ATRN: variants seen among roughly 807,000 people sequenced by gnomAD.
The protein encoded by ATRN is attractin.
A neutral mutation model predicts 178.7 loss-of-function variants in ATRN; 54 were observed. That is an observed-to-expected ratio of 0.30 (90% CI 0.24 to 0.38). The LOEUF is 0.38. Ranked by LOEUF, ATRN falls within the 10% of genes least tolerant of loss-of-function variation. The probability of loss-of-function intolerance (pLI) is 1.00; values close to 1 mark genes in which losing one functional copy is unlikely to be tolerated. For synonymous variants in ATRN, 636 were observed against 663.0 expected, an observed-to-expected ratio of 0.96 and a Z score of 0.63; for missense variants, 1,443 against 1,815.1, an observed-to-expected ratio of 0.79 and a Z score of 3.73.
At chr20:3,641,653 G>A (rs1439164264) in intron 27 of ATRN, among the ~76,000 whole-genome samples, 3 of 138,802 alleles carry the variant, frequency 2.2e-5, no homozygotes, top group African/African-American at 5.3e-5. Flanking sequence ...CAAGCTGACC[G>A]CTAACTTCTC....
chr20:3,557,174 A>G (rs918306446), intron 6 of ATRN, among the ~76,000 whole-genome samples: 25 of 152,250 alleles, frequency 1.6e-4, no homozygotes, highest in African/African-American at 6.0e-4. Flanking sequence ...TTATAAAAAC[A>G]TATTCCTGGA....
intron 21 of ATRN, 113 bp from the exon 22 acceptor site, chr20:3,597,793 T>G (rs1478524706): frequency 4.7e-6 from 3 of 636,234 alleles, no homozygotes; most frequent in Non-Finnish European, 5.5e-6. Flanking sequence ...TACAGCTGAG[T>G]TAAAGTGCTT....
At chr20:3,535,822 G>T (rs999095151) in intron 2 of ATRN, among the ~76,000 whole-genome samples, 1 of 152,016 alleles carries the variant, frequency 6.6e-6, no homozygotes, top group East Asian at 1.9e-4. Context: ...TAGAGAAGGG[G>T]TTTCACCATG....
At chr20:3,565,796 C>CAAAAAAAAAAAAAAAAAAAA (rs10582104) in intron 11 of ATRN, among the ~76,000 whole-genome samples, 1 of 100,244 alleles carries the variant, frequency 1.0e-5, no homozygotes, top group South Asian at 3.5e-4. Flanking sequence ...GACTCTGTCT[C>CAAAAAAAAAAAAAAAAAAAA]AAAAAAAAAA....
At chr20:3,532,880 A>C (rs1054274546) in intron 1 of ATRN, among the ~76,000 whole-genome samples, 2 of 151,940 alleles carry the variant, frequency 1.3e-5, no homozygotes, top group African/African-American at 4.8e-5. Context: ...CTCCTGCCTC[A>C]ACCTCCCGAG....
At chr20:3,524,219 C>A in intron 1 of ATRN, among the ~76,000 whole-genome samples, 2 of 140,622 alleles carry the variant, frequency 1.4e-5, no homozygotes. Context: ...GAGTATTTAC[C>A]AAGCAAATGG....
At chr20:3,644,101 G>C (rs898663402) in intron 27 of ATRN, 53 bp from the exon 28 acceptor site, 19 of 1,326,118 alleles carry the variant, frequency 1.4e-5, no homozygotes, top group Non-Finnish European at 2.1e-5. Flanking sequence ...TAAGTTGTCC[G>C]TATACATTAA....
chr20:3,615,264 A>G (rs964225882), intron 24 of ATRN, among the ~76,000 whole-genome samples: 5 of 151,824 alleles, frequency 3.3e-5, no homozygotes, highest in Admixed American at 2.0e-4. Flanking sequence ...CCCTGTCTCT[A>G]CTAAAGTACA....
chr20:3,504,697 A>G (rs949236477), intron 1 of ATRN, among the ~76,000 whole-genome samples: 2 of 71,050 alleles, frequency 2.8e-5, no homozygotes, highest in Admixed American at 2.5e-4. Context: ...AGATAATAAT[A>G]ATAATAATAA....
chr20:3,640,188 C>T (rs996395616), intron 27 of ATRN, among the ~76,000 whole-genome samples: 12 of 152,218 alleles, frequency 7.9e-5, no homozygotes, highest in African/African-American at 2.6e-4. Context: ...AATGGAACTT[C>T]TAGAAATGAA....
intron 1 of ATRN, among the ~76,000 whole-genome samples, chr20:3,523,714 ATC>A (rs1330340641): frequency 1.3e-5 from 2 of 152,198 alleles, no homozygotes; most frequent in Non-Finnish European, 2.9e-5. Context: ...CTAACAGCAG[ATC>A]TCTCAGCAGA....
chr20:3,508,136 C>T (rs2085073412), intron 1 of ATRN, among the ~76,000 whole-genome samples: 2 of 151,760 alleles, frequency 1.3e-5, no homozygotes, highest in African/African-American at 2.4e-5. Flanking sequence ...ATTCCTTGAG[C>T]CCAGGAGTTT....
At chr20:3,561,799 C>G (rs1453100790) in intron 8 of ATRN, among the ~76,000 whole-genome samples, 1 of 152,190 alleles carries the variant, frequency 6.6e-6, no homozygotes, top group Admixed American at 6.5e-5. Flanking sequence ...ACAATCATAG[C>G]TCACTGCAGC....
intron 1 of ATRN, among the ~76,000 whole-genome samples, chr20:3,521,082 CAG>C (rs760922853): frequency 1.7e-4 from 26 of 152,178 alleles, no homozygotes; most frequent in African/African-American, 2.4e-4. Context: ...GAACAATAGA[CAG>C]GGGGTACTAC....
At chr20:3,478,951 G>C (rs2084576476) in intron 1 of ATRN, among the ~76,000 whole-genome samples, 1 of 132,252 alleles carries the variant, frequency 7.6e-6, no homozygotes, top group South Asian at 2.3e-4. Flanking sequence ...TGAGAGACAA[G>C]GTCTTATTCT....
At chr20:3,529,605 A>G (rs1266856559) in intron 1 of ATRN, among the ~76,000 whole-genome samples, 1 of 152,218 alleles carries the variant, frequency 6.6e-6, no homozygotes, top group Non-Finnish European at 1.5e-5. Context: ...AAACTGATCT[A>G]TAGTGGGAAA....
In ATRN at chr20:3,547,418, G is replaced by T. The variant is rs536310570; in HGVS notation, c.872G>T (p.Cys291Phe). The T allele has an allele frequency of 2.5e-5, 41 of 1,614,170 alleles. No individual in the cohort carries two copies. In the South Asian group the frequency reaches 4.3e-4, roughly 17 times the overall value. Residue 291 changes from cysteine (C) to phenylalanine (F), a missense_variant, in exon 5 of 29, where the codon TGT (cysteine) becomes TTT (phenylalanine). Physicochemically the swap from Cys to Phe is radical, Grantham distance 205 (BLOSUM62 -2). Transcript: ENST00000262919. ...ACDIPHCTDN[C>F]GFPHRGICNS... Reference sequence around the variant, plus strand: ...GACATTCCTCACTGTACAGACAACTGTGGTTTTCCTCATCGAGGCATCTGC... The same window carrying T: ...GACATTCCTCACTGTACAGACAACTTTGGTTTTCCTCATCGAGGCATCTGC...
intron 1 of ATRN, among the ~76,000 whole-genome samples, chr20:3,528,943 G>T (rs1418974052): frequency 2.0e-5 from 3 of 151,960 alleles, no homozygotes; most frequent in Non-Finnish European, 4.4e-5. Context: ...CTCCCAAGTA[G>T]CTGGGACTAC....
At chr20:3,611,796 A>G (rs2146301486) in intron 24 of ATRN, among the ~76,000 whole-genome samples, 1 of 152,320 alleles carries the variant, frequency 6.6e-6, no homozygotes, top group East Asian at 1.9e-4. Flanking sequence ...ACAATGAGAT[A>G]ACACTACACA....
Sources: allele counts gnomAD v4.1 joint callset (sites outside exome capture counted in the v4.1 genomes callset), GRCh38; gene constraint gnomAD v4.1.1; transcripts MANE v1.5; gene names NCBI Gene and HGNC (gene_info 2026-07-23, HGNC 2026-07-21).